Variants in ARG1 observed in about 807,000 individuals in gnomAD.
ARG1 encodes the protein arginase 1.
ARG1 carries 20 observed loss-of-function variants against 33.0 expected under a neutral mutation model. The observed-to-expected ratio is 0.61, with a 90% CI of 0.43 to 0.88. The LOEUF (loss-of-function observed/expected upper bound fraction) is 0.88, where lower values mean the gene tolerates loss of function less well. ARG1 is among the 40% of genes least tolerant of loss of function. The pLI is 0.00. For synonymous variants in ARG1, 146 were observed against 140.6 expected (o/e 1.04, Z -0.27); for missense variants, 374 against 384.7 (o/e 0.97, Z 0.23).
At chr6:131,574,138 A>G in intron 1 of ARG1, 1 of 894,054 alleles carries the variant, frequency 1.1e-6, no homozygotes, top group Non-Finnish European at 1.9e-6. Context: ...TTCAACACGC[A>G]TCTGTGCTTA....
chr6:131,581,199 C>G lies in ARG1; in HGVS notation c.306-20C>G. The G allele has an allele frequency of 6.2e-7, 1 of 1,613,520 alleles. No individual in the cohort carries two copies. The highest frequency in any genetic ancestry group is 8.5e-7 in the Non-Finnish European group (1 of 1,179,614). On this transcript the variant is annotated intron_variant, in intron 3 of 7. Transcript: ENST00000368087. ...TGACACTGCAAACCTGATGTTCACA[C>G]AAAATTTTTTCCCCAAAAGTTTGGC...
chr6:131,582,759 T>C, intron 5 of ARG1, 44 bp downstream of exon 5: 1 of 1,561,826 alleles, frequency 6.4e-7, no homozygotes, highest in Non-Finnish European at 8.8e-7. Context: ...TTTTGTCCCT[T>C]TGTGTGCTAG....
chr6:131,581,450 G>T, intron 4 of ARG1, 72 bp downstream of exon 4: 2 of 1,452,844 alleles, frequency 1.4e-6, no homozygotes, highest in Non-Finnish European at 1.9e-6. Context: ...GAAGGGAAAT[G>T]AGAAACTCCA....
intron 6 of ARG1, 46 bp downstream of exon 6, chr6:131,583,210 GT>G (rs779192094): frequency 1.7e-5 from 28 of 1,600,972 alleles, no homozygotes; most frequent in Non-Finnish European, 2.4e-5. Context: ...AACAGAAAAG[GT>G]TGCTACTGAC....
Position 131,576,578 on chromosome 6 carries a change from C to G in ARG1, c.58-85C>G. On this transcript the variant is annotated intron_variant, in intron 1 of 7. Coordinates refer to ENST00000368087, the MANE Select transcript of ARG1 (RefSeq NM_000045.4). ...TCAAAAAATGATAGTTACAGTTCAACTGATTAAATAATGAAAAGGGTTCCT... is the reference window on the plus strand; with the variant it reads ...TCAAAAAATGATAGTTACAGTTCAAGTGATTAAATAATGAAAAGGGTTCCT... 7 of 1,300,898 alleles carry G rather than the reference C, an allele frequency of 5.4e-6. 1 individual carries two copies. The highest frequency in any genetic ancestry group is 7.8e-6 in the Non-Finnish European group (7 of 896,536). The allele number at this position is 1,300,898 out of a possible 1,614,324, so 80.6% of individuals were successfully genotyped here.
chr6:131,581,118 T>A (rs1773897830), intron 3 of ARG1, 101 bp from the exon 4 acceptor site: 1 of 1,174,130 alleles, frequency 8.5e-7, no homozygotes, highest in African/African-American at 1.5e-5. Flanking sequence ...TATCAGACAC[T>A]GTGACTCAAA....
At chr6:131,574,297 T>G (rs1773508332) in intron 1 of ARG1, 2 of 1,614,014 alleles carry the variant, frequency 1.2e-6, no homozygotes, top group Non-Finnish European at 1.7e-6. Flanking sequence ...GACTTTTTAC[T>G]GCAAAACAAA....
intron 1 of ARG1, chr6:131,574,269 A>G: frequency 1.2e-6 from 2 of 1,613,854 alleles, no homozygotes; most frequent in Non-Finnish European, 1.7e-6. Flanking sequence ...TTAATTTGGA[A>G]CCCTTGCTGT....
At chr6:131,579,339 G>A in intron 3 of ARG1, 54 bp downstream of exon 3, 1 of 1,587,492 alleles carries the variant, frequency 6.3e-7, no homozygotes, top group African/African-American at 1.3e-5. Context: ...AGTAACCAAG[G>A]CCATAAGAAG....
chr6:131,580,011 G>C (rs776606425), intron 3 of ARG1, among the ~76,000 whole-genome samples: 1 of 152,040 alleles, frequency 6.6e-6, no homozygotes, highest in African/African-American at 2.4e-5. Flanking sequence ...CGCTATATAC[G>C]TACATATTGC....
rs1585401474 is a variant in ARG1 at position 131,576,496 on chromosome 6, G to A, written c.58-167G>A. The A allele has an allele frequency of 9.0e-6, 6 of 666,742 alleles. No individual in the cohort carries two copies. In the East Asian group the frequency reaches 1.7e-4, roughly 19 times the overall value. The allele number at this position is 666,742 out of a possible 1,614,324, so 41.3% of individuals were successfully genotyped here. A position where few individuals can be genotyped will look rare whatever the true frequency, so the allele number is the denominator to read the frequency against. ...TTCTATTTGGCATAAAAGTCATTCA[G>A]TCTACCTTGCTGTGAAGATTAAAAG... On this transcript the variant is annotated intron_variant, in intron 1 of 7. Coordinates refer to ENST00000368087, the MANE Select transcript of ARG1 (RefSeq NM_000045.4).
rs73544627 is a variant in ARG1, at chr6:131,583,892, T to C, written c.953T>C (p.Leu318Pro). The change falls in exon 8 of 8, where the codon CTT becomes CCT. Residue 318 changes from leucine (L) to proline (P), a missense_variant. By Grantham distance (98) the Leu-to-Pro change is moderately conservative (BLOSUM62 -3). Transcript: ENST00000368087. ...GGTAATCACAAGCCTATTGACTACC[T>C]TAACCCACCTAAGTAAATGTGGAAA... ...REGNHKPIDYLNPPK is the reference protein window; with the variant it reads ...REGNHKPIDYPNPPK 1.8e-4 allele frequency: 293 copies of C among 1,614,084 alleles called. No homozygotes were observed. In the African/African-American group the frequency reaches 3.5e-3, roughly 20 times the overall value.
intron 4 of ARG1, among the ~76,000 whole-genome samples, chr6:131,582,235 A>C (rs1386757173): frequency 1.3e-5 from 2 of 152,224 alleles, no homozygotes; most frequent in Non-Finnish European, 2.9e-5. Context: ...TATCACATTA[A>C]GAATAACCAA....
At chr6:131,578,197 A>AC (rs1773723053) in intron 2 of ARG1, among the ~76,000 whole-genome samples, 2 of 151,850 alleles carry the variant, frequency 1.3e-5, no homozygotes, top group African/African-American at 4.8e-5. Flanking sequence ...AAAAAAAAAA[A>AC]AAAAAGACAA....
chr6:131,575,641 C>T (rs1484877223), intron 1 of ARG1, among the ~76,000 whole-genome samples: 1 of 152,144 alleles, frequency 6.6e-6, no homozygotes, highest in African/African-American at 2.4e-5. Context: ...GATAGACACA[C>T]GTGTCTTTTA....
chr6:131,573,803 C>G (rs746283579), intron 1 of ARG1, among the ~76,000 whole-genome samples: 1 of 152,002 alleles, frequency 6.6e-6, no homozygotes, highest in African/African-American at 2.4e-5. Flanking sequence ...ATTTGGATAA[C>G]CTAAATATTA....
In ARG1 at chr6:131,583,969, T is replaced by C; in HGVS notation, c.*61T>C. 4 of 1,574,188 alleles carry C rather than the reference T, an allele frequency of 2.5e-6. No individual in the cohort carries two copies. The highest frequency in any genetic ancestry group is 2.2e-5 in the South Asian group (2 of 89,464). On this transcript the variant is annotated 3_prime_UTR_variant, in exon 8 of 8. Coordinates refer to ENST00000368087, the MANE Select transcript of ARG1 (RefSeq NM_000045.4). The stretch of plus-strand genomic sequence containing the variant: ...GGCATAATTAGAAAGCTAATCATTT[T>C]CTTAAGCATAGAGTTATCCTTCTAA...
chr6:131,583,392 GGAC>G lies in ARG1; in HGVS notation c.704_706del (p.Gly235_Leu236delinsVal), dbSNP rs773118188. 3 of 1,614,088 alleles carry G rather than the reference GGAC, an allele frequency of 1.9e-6. No homozygotes were observed. Among genetic ancestry groups the G allele is most frequent in the Non-Finnish European group, 1.7e-6 (2 of 1,179,992 alleles). On this transcript the variant is annotated inframe_deletion, in exon 7 of 8. Transcript: ENST00000368087. ...AATTCATCTAAGTTTTGATGTTGAC[GGAC>G]TGGACCCATCTTTCACACCAGCTAC...
intron 1 of ARG1, among the ~76,000 whole-genome samples, chr6:131,573,804 C>T (rs1169965104): frequency 6.6e-6 from 1 of 151,992 alleles, no homozygotes; most frequent in Non-Finnish European, 1.5e-5. Context: ...TTTGGATAAC[C>T]TAAATATTAT....
Sources: gnomAD v4.1 joint callset for allele counts (sites outside exome capture counted in the v4.1 genomes callset) on GRCh38, gnomAD v4.1.1 for gene constraint, MANE v1.5 for transcripts, NCBI Gene and HGNC (gene_info 2026-07-23, HGNC 2026-07-21) for gene names.